Variants in TULP4 observed in about 807,000 individuals in gnomAD.
The protein encoded by TULP4 is tubby-related protein 4.
Under a neutral mutation model 129.0 loss-of-function variants are expected in TULP4, and 16 were observed. That is an observed-to-expected ratio of 0.12 (90% CI 0.08 to 0.19). The LOEUF (loss-of-function observed/expected upper bound fraction) is 0.19, where lower values mean the gene tolerates loss of function less well. Ranked by LOEUF, TULP4 falls within the 10% of genes least tolerant of loss-of-function variation. TULP4 has a pLI of 1.00. For synonymous variants in TULP4, 998 were observed against 854.0 expected (o/e 1.17, Z -2.94); for missense variants, 1,842 against 2,059.1 (o/e 0.89, Z 2.04).
intron 3 of TULP4, among the ~76,000 whole-genome samples, chr6:158,445,974 G>A (rs995107394): frequency 2.6e-5 from 4 of 152,140 alleles, no homozygotes; most frequent in African/African-American, 4.8e-5. Flanking sequence ...GCACTAGCAC[G>A]GAGAATTCTA....
intron 1 of TULP4, among the ~76,000 whole-genome samples, chr6:158,243,419 G>A (rs1340667882): frequency 7.0e-6 from 1 of 143,586 alleles, no homozygotes; most frequent in Non-Finnish European, 1.5e-5. Context: ...GTGTATGGGC[G>A]TGTACGTGTG....
At position 158,489,719 on chromosome 6, in the gene TULP4, C is replaced by A; in HGVS notation, c.1618C>A (p.Pro540Thr). ...CAAAATCTCCAGAGCTAGCAAATCA[C>A]CCAAACTCCCAAGGTAATCTCAGTC... ...SPKISRASKS[P>T]KLPRISIEAR... is the part of the protein sequence containing the mutation. Residue 540 changes from proline (P) to threonine (T), a missense_variant, in exon 9 of 14, where the codon CCC becomes ACC. Transcript: ENST00000367097. 2 of 1,614,188 alleles carry A rather than the reference C, an allele frequency of 1.2e-6. No individual in the cohort carries two copies. The highest frequency in any genetic ancestry group is 2.7e-5 in the African/African-American group (2 of 75,044).
chr6:158,249,621 C>A (rs533767821), intron 1 of TULP4, among the ~76,000 whole-genome samples: 2 of 152,178 alleles, frequency 1.3e-5, no homozygotes, highest in Admixed American at 1.3e-4. Context: ...TTTGCATCTC[C>A]CTCCTCACAA....
intron 1 of TULP4, among the ~76,000 whole-genome samples, chr6:158,243,452 C>CATATATATAT (rs146352480): frequency 6.7e-6 from 1 of 148,970 alleles, no homozygotes; most frequent in African/African-American, 2.5e-5. Context: ...TATATCATAT[C>CATATATATAT]ATATATATAT....
In TULP4 at chr6:158,431,805, G is replaced by C. The variant is rs377476559; in HGVS notation, c.543+1908G>C. ...GAGGAGTCGGTAGGACAATGGCCAT[G>C]GGAAGCATGGAGGCCATGCTGACGT... On this transcript the variant is annotated intron_variant, in intron 3 of 13. Transcript: ENST00000367097. 7.9e-4 allele frequency among the ~76,000 whole-genome samples: 120 copies of C among 152,258 alleles called. 1 individual carries two copies. Among genetic ancestry groups the C allele is most frequent in the African/African-American group, 2.7e-3 (112 of 41,532 alleles).
At chr6:158,498,890 G>A (rs1210877381) in intron 12 of TULP4, 78 bp downstream of exon 12, 14 of 1,557,856 alleles carry the variant, frequency 9.0e-6, no homozygotes, top group Middle Eastern at 1.7e-4. Context: ...GCGGCAAGTT[G>A]TTGAGGATTT....
intron 1 of TULP4, among the ~76,000 whole-genome samples, chr6:158,403,046 A>G (rs1777890592): frequency 6.6e-6 from 1 of 152,202 alleles, no homozygotes; most frequent in South Asian, 2.1e-4. Context: ...TAAAAGTGAT[A>G]CTGGAAAACT....
chr6:158,421,904 T>C (rs1198860030), intron 2 of TULP4, among the ~76,000 whole-genome samples: 1 of 152,170 alleles, frequency 6.6e-6, no homozygotes, highest in African/African-American at 2.4e-5. Flanking sequence ...ACCCCTTAGA[T>C]AGGAATTTGG....
chr6:158,285,536 A>G (rs1160476107), intron 1 of TULP4, among the ~76,000 whole-genome samples: 2 of 151,938 alleles, frequency 1.3e-5, no homozygotes, highest in African/African-American at 2.4e-5. Flanking sequence ...AGGCCTGCTC[A>G]TTCCTTCTGT....
intron 1 of TULP4, among the ~76,000 whole-genome samples, chr6:158,232,764 G>C (rs956389287): frequency 6.6e-6 from 1 of 152,146 alleles, no homozygotes; most frequent in African/African-American, 2.4e-5. Flanking sequence ...GGGCCCGAGC[G>C]GCTTCCCCGG....
At chr6:158,421,658 T>A (rs1179427711) in intron 2 of TULP4, among the ~76,000 whole-genome samples, 1 of 152,170 alleles carries the variant, frequency 6.6e-6, no homozygotes, top group Non-Finnish European at 1.5e-5. Context: ...AATCAAAAGA[T>A]CTAGCGATGT....
At chr6:158,281,300 G>A (rs1320623869), upstream of TULP4, among the ~76,000 whole-genome samples, 7 of 151,038 alleles carry the variant, frequency 4.6e-5, no homozygotes, top group Admixed American at 3.3e-4. Flanking sequence ...TGCAACCTCC[G>A]CCTCCTGGGT....
chr6:158,503,307 C>T lies in TULP4; in HGVS notation c.3644C>T (p.Pro1215Leu), dbSNP rs1346977856. The change falls in exon 13 of 14, where the codon CCA becomes CTA. Residue 1215 changes from proline to leucine, a missense_variant. Around this residue, in one of 5 missense-constraint regions of TULP4, gnomAD observed 1,089 missense variants for 987.1 expected, o/e 1.10. Transcript: ENST00000367097. The surrounding 1 kb of genome is among the most constrained non-coding windows in gnomAD (Gnocchi z 4.3). ...TGCTCTCCCAAAGATGCCCTGTCCC[C>T]AACGCAGTTTGCACAACAGGAGCCT... ...APCSPKDALS[P>L]TQFAQQEPAV... The T allele has an allele frequency of 3.1e-6, 5 of 1,613,898 alleles. No individual in the cohort carries two copies. The highest frequency in any genetic ancestry group is 4.2e-6 in the Non-Finnish European group (5 of 1,179,972).
intron 1 of TULP4, among the ~76,000 whole-genome samples, chr6:158,354,327 A>G (rs1780593348): frequency 6.6e-6 from 1 of 152,188 alleles, no homozygotes; most frequent in Admixed American, 6.5e-5. Context: ...TCTCTAAGGC[A>G]TTTGGAGAGC....
At chr6:158,296,060 T>C (rs1355367635) in intron 1 of TULP4, among the ~76,000 whole-genome samples, 2 of 152,232 alleles carry the variant, frequency 1.3e-5, no homozygotes, top group Admixed American at 1.3e-4. Context: ...ATAAAATTAG[T>C]TTGGCTTGTT....
intron 1 of TULP4, among the ~76,000 whole-genome samples, chr6:158,289,513 T>A (rs1187701221): frequency 6.6e-6 from 1 of 152,232 alleles, no homozygotes; most frequent in Non-Finnish European, 1.5e-5. Context: ...TGTTTTCTTT[T>A]CTAACATAAG....
chr6:158,462,101 A>G (rs1290991672), intron 6 of TULP4, among the ~76,000 whole-genome samples: 2 of 152,194 alleles, frequency 1.3e-5, no homozygotes, highest in Non-Finnish European at 2.9e-5. Flanking sequence ...ACAGATTAAC[A>G]AGAGAAAAAC....
In TULP4 at chr6:158,350,710, G is replaced by A. The variant is rs548281593; in HGVS notation, c.252+36442G>A. Among the ~76,000 whole-genome samples the A allele has an allele frequency of 3.9e-5, 6 of 152,166 alleles. No individual in the cohort carries two copies. The East Asian group carries it at 1.2e-3, about 29-fold the overall frequency. On this transcript the variant is annotated intron_variant, in intron 1 of 13. Coordinates refer to ENST00000367097, the MANE Select transcript of TULP4 (RefSeq NM_020245.5). ...AGTACAATCCAGGCTTGGCAAGAGA[G>A]GGAGACCGTAGAAAGAAAGGAAGAG...
At chr6:158,409,529 G>C (rs562578404) in intron 1 of TULP4, among the ~76,000 whole-genome samples, 1 of 152,068 alleles carries the variant, frequency 6.6e-6, no homozygotes, top group Non-Finnish European at 1.5e-5. Context: ...CACAAAATTC[G>C]GGCAACTGAG....
Sources: gnomAD v4.1 joint callset for allele counts (sites outside exome capture counted in the v4.1 genomes callset) on GRCh38, gnomAD v4.1.1 for gene constraint, gnomAD v4.1.1 regional missense constraint, Gnocchi (gnomAD v3.1) non-coding constraint, MANE v1.5 for transcripts, NCBI Gene and HGNC (gene_info 2026-07-23, HGNC 2026-07-21) for gene names.